The following GRIP1 variants were observed in gnomAD, a reference collection of about 807,000 sequenced individuals.
GRIP1 encodes the protein glutamate receptor interacting protein 1, also known as glutamate receptor-interacting protein 1.
In GRIP1, 45 loss-of-function variants were observed where a neutral mutation model predicts 129.9. That is an observed-to-expected ratio of 0.35 (90% CI 0.27 to 0.44). The LOEUF (loss-of-function observed/expected upper bound fraction) is 0.44, where lower values mean the gene tolerates loss of function less well. GRIP1 is among the 20% of genes least tolerant of loss of function. The pLI, the probability that GRIP1 is intolerant of heterozygous loss-of-function variation, is 1.00. For missense variants in GRIP1, 1,196 were observed against 1,396.8 expected (o/e 0.86, Z 2.29); for synonymous variants, 530 against 520.8 (o/e 1.02, Z -0.24).
chr12:67,000,521 G>C (rs1472819226), intron 1 of GRIP1, among the ~76,000 whole-genome samples: 1 of 152,128 alleles, frequency 6.6e-6, no homozygotes, highest in African/African-American at 2.4e-5. Flanking sequence ...ATTAATTATG[G>C]AGAGGCAATT....
At position 67,012,578 on chromosome 12, in the gene GRIP1, G is replaced by A. The variant is rs549271384; in HGVS notation, c.58+56472C>T. On this transcript the variant is annotated intron_variant, in intron 1 of 1. Transcript: ENST00000643019. ...TTGTGACAAGAGCTTCATATGCCAT[G>A]ATTTATTTAATTCTTGAAACAAACC... 5.3e-5 allele frequency among the ~76,000 whole-genome samples: 8 copies of A among 152,256 alleles called. No individual in the cohort carries two copies. The South Asian group carries it at 1.7e-3, about 32-fold the overall frequency.
chr12:66,821,638 C>T (rs772137191), intron 1 of GRIP1, among the ~76,000 whole-genome samples: 14 of 152,108 alleles, frequency 9.2e-5, no homozygotes, highest in Non-Finnish European at 1.8e-4. Flanking sequence ...CTAGAGAAAT[C>T]GAGCCAATAG....
At chr12:66,749,077 G>A (rs563121688) in intron 1 of GRIP1, among the ~76,000 whole-genome samples, 5 of 152,288 alleles carry the variant, frequency 3.3e-5, no homozygotes, top group African/African-American at 9.6e-5. Flanking sequence ...TTGCCCGCAA[G>A]TATCCATTCT....
chr12:66,798,774 A>G (rs1239109299), intron 1 of GRIP1, among the ~76,000 whole-genome samples: 1 of 152,222 alleles, frequency 6.6e-6, no homozygotes, highest in Non-Finnish European at 1.5e-5. Context: ...GCCACCGACA[A>G]TCACTTTAAT....
chr12:67,012,294 C>A (rs187339301), intron 1 of GRIP1, among the ~76,000 whole-genome samples: 2 of 152,136 alleles, frequency 1.3e-5, no homozygotes, highest in South Asian at 4.1e-4. Flanking sequence ...TCGTAAACCA[C>A]AAATAAAATG....
intron 1 of GRIP1, among the ~76,000 whole-genome samples, chr12:66,615,460 C>T (rs10878469): frequency 0.067 from 10,213 of 151,990 alleles, 773 homozygotes; most frequent in African/African-American, 0.19. Context: ...TGCTCCTTAT[C>T]GTATATTATA....
At chr12:66,869,862 G>C (rs2040266939) in intron 1 of GRIP1, among the ~76,000 whole-genome samples, 1 of 152,084 alleles carries the variant, frequency 6.6e-6, no homozygotes, top group Non-Finnish European at 1.5e-5. Context: ...CTAAATCCAA[G>C]TTCTTTAACT....
intron 5 of GRIP1, among the ~76,000 whole-genome samples, chr12:66,527,538 G>T (rs186323805): frequency 8.1e-4 from 124 of 152,174 alleles, no homozygotes; most frequent in African/African-American, 2.9e-3. Flanking sequence ...GTGTGGGGAT[G>T]GGGGAGGGAT....
At chr12:66,609,793 C>T (rs917446576) in intron 1 of GRIP1, among the ~76,000 whole-genome samples, 4 of 152,176 alleles carry the variant, frequency 2.6e-5, no homozygotes, top group Non-Finnish European at 5.9e-5. Flanking sequence ...AAATGAGTTA[C>T]TGACATTTAC....
chr12:66,908,546 T>C (rs929638123), intron 1 of GRIP1, among the ~76,000 whole-genome samples: 8 of 152,124 alleles, frequency 5.3e-5, no homozygotes, highest in African/African-American at 1.2e-4. Flanking sequence ...TTAAAATAAA[T>C]TGAGGAACAA....
At chr12:66,705,988 G>A (rs1379299233) in intron 1 of GRIP1, among the ~76,000 whole-genome samples, 1 of 152,136 alleles carries the variant, frequency 6.6e-6, no homozygotes, top group African/African-American at 2.4e-5. Flanking sequence ...TCACGACACA[G>A]GCATAGGCAA....
At position 66,896,489 on chromosome 12, in the gene GRIP1, A is replaced by AAACAAAAAAAAAAAC. The variant is rs1555249926; in HGVS notation, c.58+172560_58+172561insGTTTTTTTTTTTGTT. Among the ~76,000 whole-genome samples, 9 of 149,594 alleles carry AAACAAAAAAAAAAAC rather than the reference A, an allele frequency of 6.0e-5. 1 individual carries two copies. The highest frequency in any genetic ancestry group is 4.0e-4 in the East Asian group (2 of 5,062). Reference sequence around the variant, plus strand: ...TACCTCTGAGGAATTTGAAAAAAAAAAAAAAAACTTTGGTGGGCCTGAATG... The same window carrying AAACAAAAAAAAAAAC: ...TACCTCTGAGGAATTTGAAAAAAAAAAACAAAAAAAAAAACAAAAAAACTTTGGTGGGCCTGAATG... On this transcript the variant is annotated intron_variant, in intron 1 of 1. Coordinates refer to the GRIP1 transcript ENST00000643019.
chr12:67,024,469 C>A (rs1263835951), intron 1 of GRIP1, among the ~76,000 whole-genome samples: 1 of 152,058 alleles, frequency 6.6e-6, no homozygotes, highest in East Asian at 1.9e-4. Context: ...GAAACCCGGG[C>A]CAAGGCAGCA....
chr12:67,007,412 C>A (rs1034410414), intron 1 of GRIP1, among the ~76,000 whole-genome samples: 1 of 152,064 alleles, frequency 6.6e-6, no homozygotes, highest in Non-Finnish European at 1.5e-5. Flanking sequence ...CTCTTCAATA[C>A]TTTTTAATAA....
chr12:66,573,554 A>T (rs888449777), intron 2 of GRIP1, among the ~76,000 whole-genome samples: 3 of 152,190 alleles, frequency 2.0e-5, no homozygotes, highest in South Asian at 2.1e-4. Context: ...TGAAGCAACC[A>T]GCTTAATTCC....
At chr12:66,485,372 A>T (rs2059925079) in intron 7 of GRIP1, among the ~76,000 whole-genome samples, 1 of 151,792 alleles carries the variant, frequency 6.6e-6, no homozygotes, top group South Asian at 2.1e-4. Context: ...ATTTTTTATT[A>T]GTTGTCTGGC....
chr12:66,617,083 T>TGGTGTGTGTGTG (rs2065069355), intron 1 of GRIP1, among the ~76,000 whole-genome samples: 1 of 51,152 alleles, frequency 2.0e-5, no homozygotes. Flanking sequence ...GCAACAGACG[T>TGGTGTGTGTGTG]TTTGTGTGTG....
chr12:66,624,020 T>C (rs943829390), intron 1 of GRIP1, among the ~76,000 whole-genome samples: 2 of 152,202 alleles, frequency 1.3e-5, no homozygotes, highest in Admixed American at 1.3e-4. Flanking sequence ...AATTCATTCA[T>C]TTGTTCATAT....
intron 1 of GRIP1, among the ~76,000 whole-genome samples, chr12:66,767,173 C>A (rs553085238): frequency 6.6e-6 from 1 of 152,216 alleles, no homozygotes; most frequent in Non-Finnish European, 1.5e-5. Context: ...AATGTAAATG[C>A]TTTTATTTTA....
Sources: gnomAD v4.1 joint callset for allele counts (sites outside exome capture counted in the v4.1 genomes callset) on GRCh38, gnomAD v4.1.1 for gene constraint, MANE v1.5 for transcripts, NCBI Gene and HGNC (gene_info 2026-07-23, HGNC 2026-07-21) for gene names.